SYT10: variants seen among roughly 807,000 people sequenced by gnomAD.
The protein encoded by SYT10 is synaptotagmin 10, also known as synaptotagmin-10.
A neutral mutation model predicts 51.1 loss-of-function variants in SYT10; 31 were observed. The ratio of observed to expected loss-of-function variants is 0.61; its 90% CI spans 0.46 to 0.82. The LOEUF (loss-of-function observed/expected upper bound fraction) is 0.82. Among genes scored for constraint, SYT10 ranks in the 40% least tolerant of loss-of-function variants. SYT10 has a pLI of 0.00. For missense variants in SYT10, 603 were observed against 634.0 expected, an observed-to-expected ratio of 0.95 and a Z score of 0.53; for synonymous variants, 233 against 225.9, an observed-to-expected ratio of 1.03 and a Z score of -0.28.
chr12:33,377,066 C>A (rs1391766806), intron 6 of SYT10, among the ~76,000 whole-genome samples, 165 bp from the exon 7 acceptor site: 2 of 152,132 alleles, frequency 1.3e-5, no homozygotes, highest in African/African-American at 2.4e-5. Flanking sequence ...TCTCTGCTAC[C>A]ATGAAGGGAC....
intron 3 of SYT10, among the ~76,000 whole-genome samples, chr12:33,395,756 T>A (rs1404987786): frequency 2.0e-5 from 3 of 152,222 alleles, no homozygotes; most frequent in Admixed American, 1.3e-4. Context: ...CTTATGCATA[T>A]GTTTTTGCCA....
In SYT10 at chr12:33,407,367, A is replaced by G. The variant is rs1866367114; in HGVS notation, c.510-11T>C. 1 of 1,596,282 alleles carries G rather than the reference A, an allele frequency of 6.3e-7. No homozygotes were observed. The highest frequency in any genetic ancestry group is 8.5e-7 in the Non-Finnish European group (1 of 1,177,742). On this transcript the variant is annotated splice_polypyrimidine_tract_variant and intron_variant, in intron 2 of 6. Coordinates refer to ENST00000228567, the MANE Select transcript of SYT10 (RefSeq NM_198992.4). The stretch of plus-strand genomic sequence containing the variant: ...CGGAAGGAACTGTGGCTGAACACAC[A>G]CACATATACACAAAATCATTGAGGG...
At chr12:33,433,760 T>C (rs1407429985) in intron 1 of SYT10, among the ~76,000 whole-genome samples, 1 of 152,194 alleles carries the variant, frequency 6.6e-6, no homozygotes, top group African/African-American at 2.4e-5. Flanking sequence ...AGAAATTTTA[T>C]TGGCCAGTAA....
chr12:33,401,518 C>T (rs560888993), intron 3 of SYT10, among the ~76,000 whole-genome samples: 121 of 152,126 alleles, frequency 8.0e-4, no homozygotes, highest in South Asian at 3.9e-3. Flanking sequence ...AATATTAATC[C>T]TTCATATATA....
At chr12:33,429,573 A>G (rs1367242230) in intron 1 of SYT10, among the ~76,000 whole-genome samples, 3 of 152,218 alleles carry the variant, frequency 2.0e-5, no homozygotes, top group African/African-American at 7.2e-5. Flanking sequence ...GCATCCATGC[A>G]TAAGGTTTTT....
intron 3 of SYT10, among the ~76,000 whole-genome samples, chr12:33,398,298 G>A (rs1866274274): frequency 6.6e-6 from 1 of 152,062 alleles, no homozygotes; most frequent in Non-Finnish European, 1.5e-5. Context: ...TGGATCATGA[G>A]GTCAGGAGAT....
At position 33,374,733 on chromosome 12, in the gene SYT10, A is replaced by G. The variant is rs545952056; in HGVS notation, c.*2097T>C. The G allele has an allele frequency of 4.6e-5, 7 of 151,864 alleles. No individual in the cohort carries two copies. The South Asian group carries it at 1.2e-3, about 27-fold the overall frequency. 9.4% of individuals were successfully genotyped at this position (151,864 alleles called of 1,614,324 possible). A position where few individuals can be genotyped will look rare whatever the true frequency, so the allele number is the denominator to read the frequency against. Reference sequence around the variant, plus strand: ...CTTTTAAAACTTATTTTAATCTACAATTCCCATATTAGAGTCTTCTGATTG... The same window carrying G: ...CTTTTAAAACTTATTTTAATCTACAGTTCCCATATTAGAGTCTTCTGATTG... On this transcript the variant is annotated 3_prime_UTR_variant, in exon 7 of 7. Transcript: ENST00000228567.
At chr12:33,381,379 C>T (rs924995039) in intron 5 of SYT10, among the ~76,000 whole-genome samples, 8 of 151,942 alleles carry the variant, frequency 5.3e-5, no homozygotes, top group East Asian at 1.9e-4. Flanking sequence ...GGACACTTAG[C>T]GTGTGTTTGT....
chr12:33,403,847 G>A (rs796374074), intron 3 of SYT10, among the ~76,000 whole-genome samples: 2 of 151,668 alleles, frequency 1.3e-5, no homozygotes, highest in African/African-American at 4.8e-5. Flanking sequence ...TTTTTCAAAG[G>A]CTGAACAGAA....
intron 3 of SYT10, among the ~76,000 whole-genome samples, chr12:33,390,145 C>A (rs1200156169): frequency 6.6e-6 from 1 of 152,196 alleles, no homozygotes; most frequent in Non-Finnish European, 1.5e-5. Context: ...GCTTTGTTTG[C>A]TATAGTCCTG....
chr12:33,381,884 C>A (rs56764705), intron 5 of SYT10, among the ~76,000 whole-genome samples: 3,700 of 152,230 alleles, frequency 0.024, 161 homozygotes, highest in African/African-American at 0.083. Flanking sequence ...CACTCTTACT[C>A]CTCGTTGTTC....
intron 4 of SYT10, 95 bp downstream of exon 4, chr12:33,385,076 T>A: frequency 4.8e-6 from 7 of 1,462,386 alleles, no homozygotes; most frequent in Non-Finnish European, 6.5e-6. Context: ...ACTCCCATTA[T>A]AGGCAAATAA....
At chr12:33,436,106 C>T (rs1029255322) in intron 1 of SYT10, among the ~76,000 whole-genome samples, 14 of 152,090 alleles carry the variant, frequency 9.2e-5, no homozygotes, top group African/African-American at 2.9e-4. Context: ...TGATTTATGA[C>T]GTCTGCCTTT....
intron 2 of SYT10, among the ~76,000 whole-genome samples, chr12:33,415,985 C>T (rs1332580093): frequency 6.6e-6 from 1 of 152,184 alleles, no homozygotes; most frequent in Admixed American, 6.5e-5. Context: ...GTTCCTCTCA[C>T]ATGGTGGCTG....
Position 33,407,036 on chromosome 12 carries a change from G to A in SYT10, c.830C>T (p.Pro277Leu), listed in dbSNP as rs1157837006. ...GGTCTGAAATTTCTTTTTCCTATCT[G>A]GAAGAAGATACATCTTCACATAAGG... ...SDPYVKMYLL[P>L]DRKKKFQTRV... Residue 277 changes from proline (P) to leucine (L), a missense_variant, in exon 3 of 7, where the codon CCA (proline) becomes CTA (leucine). Physicochemically the swap from Pro to Leu is moderately conservative, Grantham distance 98. Coordinates refer to ENST00000228567, the MANE Select transcript of SYT10 (RefSeq NM_198992.4). 4.3e-6 allele frequency: 7 copies of A among 1,614,100 alleles called. No individual in the cohort carries two copies. Among genetic ancestry groups the A allele is most frequent in the Non-Finnish European group, 5.9e-6 (7 of 1,180,014 alleles).
chr12:33,387,670 T>C (rs1211269154), intron 3 of SYT10, among the ~76,000 whole-genome samples: 3 of 151,290 alleles, frequency 2.0e-5, no homozygotes, highest in South Asian at 2.1e-4. Context: ...CAAGATCCCA[T>C]AGAAGAGGGT....
At chr12:33,422,376 C>T (rs1866512827) in intron 2 of SYT10, among the ~76,000 whole-genome samples, 1 of 152,020 alleles carries the variant, frequency 6.6e-6, no homozygotes, top group South Asian at 2.1e-4. Context: ...TTTTATTACA[C>T]TTGAACATAA....
intron 5 of SYT10, 60 bp from the exon 6 acceptor site, chr12:33,380,021 C>T: frequency 6.6e-7 from 1 of 1,519,228 alleles, no homozygotes; most frequent in Non-Finnish European, 8.9e-7. Context: ...GGGGGTTTCA[C>T]AAATCGTAGT....
At chr12:33,423,110 G>T (rs1163749568) in intron 2 of SYT10, among the ~76,000 whole-genome samples, 2 of 152,148 alleles carry the variant, frequency 1.3e-5, no homozygotes, top group African/African-American at 4.8e-5. Flanking sequence ...TGAAAAAGGA[G>T]ATGATAACTT....
Sources: allele counts gnomAD v4.1 joint callset (sites outside exome capture counted in the v4.1 genomes callset), GRCh38; gene constraint gnomAD v4.1.1; transcripts MANE v1.5; gene names NCBI Gene and HGNC (gene_info 2026-07-23, HGNC 2026-07-21).